The following GABBR2 variants were observed in gnomAD, a reference collection of about 807,000 sequenced individuals.
The protein encoded by GABBR2 is gamma-aminobutyric acid type B receptor subunit 2, also known as G-protein coupled receptor 51.
GABBR2 carries 23 observed loss-of-function variants against 105.6 expected under a neutral mutation model. That is an observed-to-expected ratio of 0.22 (90% CI 0.16 to 0.31). The LOEUF (loss-of-function observed/expected upper bound fraction) is 0.31. Among genes scored for constraint, GABBR2 ranks in the 10% least tolerant of loss-of-function variants. GABBR2 has a pLI of 1.00. For synonymous variants in GABBR2, 478 were observed against 499.7 expected, an observed-to-expected ratio of 0.96 and a Z score of 0.58; for missense variants, 734 against 1,245.5, an observed-to-expected ratio of 0.59 and a Z score of 6.18.
chr9:98,351,954 A>G (rs552724706), intron 13 of GABBR2, among the ~76,000 whole-genome samples: 55 of 152,282 alleles, frequency 3.6e-4, no homozygotes, highest in Non-Finnish European at 5.7e-4. Flanking sequence ...GCTTCTTCCA[A>G]TTTTAGGGAT....
intron 4 of GABBR2, among the ~76,000 whole-genome samples, chr9:98,492,957 A>G (rs1016912985): frequency 6.6e-6 from 1 of 152,188 alleles, no homozygotes; most frequent in Non-Finnish European, 1.5e-5. Context: ...GGAAGGAAGT[A>G]ACTTAAGAAG....
intron 18 of GABBR2, 90 bp from the exon 19 acceptor site, chr9:98,290,839 A>T: frequency 1.3e-6 from 1 of 789,882 alleles, no homozygotes; most frequent in Non-Finnish European, 1.9e-6. Context: ...AAAAAAGCTG[A>T]TGACAGGAGC....
At chr9:98,309,051 G>A (rs1830596127) in intron 14 of GABBR2, among the ~76,000 whole-genome samples, 1 of 152,184 alleles carries the variant, frequency 6.6e-6, no homozygotes, top group African/African-American at 2.4e-5. Flanking sequence ...CCAGCCTTGA[G>A]ATTCTGTGGC....
rs577299422 is a variant in GABBR2, at chr9:98,642,829, G to A, written c.322-64757C>T. ...TGGATCTGTCAGAAAGATTTGAAAA[G>A]CGCTTCTCAGGCCATGCTGAATTCA... On this transcript the variant is annotated intron_variant, in intron 1 of 18. Transcript: ENST00000259455. 9.2e-5 allele frequency among the ~76,000 whole-genome samples: 14 copies of A among 152,288 alleles called. No homozygotes were observed. The South Asian group carries it at 2.7e-3, about 29-fold the overall frequency.
At chr9:98,383,913 C>T (rs990333068) in intron 11 of GABBR2, among the ~76,000 whole-genome samples, 8 of 152,144 alleles carry the variant, frequency 5.3e-5, no homozygotes, top group African/African-American at 1.4e-4. Context: ...AAGGGTGCTT[C>T]GTTTAAGCAT....
chr9:98,490,527 A>C (rs1423397736), intron 4 of GABBR2, among the ~76,000 whole-genome samples: 1 of 152,224 alleles, frequency 6.6e-6, no homozygotes, highest in Admixed American at 6.5e-5. Flanking sequence ...TTTCTTTAAA[A>C]GTTCCTGCTC....
Position 98,320,202 on chromosome 9 carries a change from G to A in GABBR2, c.1894-8997C>T, listed in dbSNP as rs373997059. Among the ~76,000 whole-genome samples, 1,305 of 150,988 alleles carry A rather than the reference G, an allele frequency of 8.6e-3. 18 individuals are homozygous for A. Among genetic ancestry groups the A allele is most frequent in the African/African-American group, 0.031 (1,237 of 40,454 alleles). ...AGACACTTCTCAAAAGAAGACATTT[G>A]TGCAGCCAAAAAACACATGAAAAAA... On this transcript the variant is annotated intron_variant, in intron 13 of 18. Coordinates refer to ENST00000259455, the MANE Select transcript of GABBR2 (RefSeq NM_005458.8).
At chr9:98,366,577 A>AT (rs1337516096) in intron 12 of GABBR2, among the ~76,000 whole-genome samples, 4 of 152,060 alleles carry the variant, frequency 2.6e-5, no homozygotes, top group East Asian at 3.9e-4. Context: ...GCATTTCTTC[A>AT]TTTTTTCAAA....
chr9:98,312,247 T>C lies in GABBR2; in HGVS notation c.1894-1042A>G, dbSNP rs141824082. On this transcript the variant is annotated intron_variant, in intron 13 of 18. Transcript: ENST00000259455. ...AATGCAGGATCCAATCCAGCATCAT[T>C]ATTGCACTTACGTGTCTTTGGTTTC... Among the ~76,000 whole-genome samples, 60 of 152,370 alleles carry C rather than the reference T, an allele frequency of 3.9e-4. 1 individual carries two copies. The highest frequency in any genetic ancestry group is 1.3e-3 in the African/African-American group (53 of 41,580).
intron 5 of GABBR2, among the ~76,000 whole-genome samples, chr9:98,475,324 G>T (rs1442639483): frequency 1.3e-5 from 2 of 150,536 alleles, no homozygotes; most frequent in East Asian, 3.9e-4. Context: ...TCTAATGAAT[G>T]AAATTTAGTC....
rs371323307 is a variant in GABBR2 at position 98,689,143 on chromosome 9, G to C, written c.321+19274C>G. Reference sequence around the variant, plus strand: ...TTCTCATGTGTAAAATAGAGATAATGATCAGATTATCTATGGGAAGGCAGG... The same window carrying C: ...TTCTCATGTGTAAAATAGAGATAATCATCAGATTATCTATGGGAAGGCAGG... On this transcript the variant is annotated intron_variant, in intron 1 of 18. Transcript: ENST00000259455. Among the ~76,000 whole-genome samples, 42 of 152,214 alleles carry C rather than the reference G, an allele frequency of 2.8e-4. 2 individuals are homozygous for C. In the South Asian group the frequency reaches 8.5e-3, roughly 31 times the overall value.
At chr9:98,641,657 T>C (rs1159240322) in intron 1 of GABBR2, among the ~76,000 whole-genome samples, 1 of 152,232 alleles carries the variant, frequency 6.6e-6, no homozygotes, top group Non-Finnish European at 1.5e-5. Flanking sequence ...AATTTATTGA[T>C]TGCACAGGTT....
At chr9:98,554,547 T>G (rs1223984443) in intron 2 of GABBR2, among the ~76,000 whole-genome samples, 1 of 152,204 alleles carries the variant, frequency 6.6e-6, no homozygotes, top group Admixed American at 6.5e-5. Context: ...TTTAAACTTC[T>G]ATTATCAAAT....
At chr9:98,437,139 G>A (rs1441743259) in intron 7 of GABBR2, among the ~76,000 whole-genome samples, 1 of 152,200 alleles carries the variant, frequency 6.6e-6, no homozygotes, top group Non-Finnish European at 1.5e-5. Flanking sequence ...CAAACACTTT[G>A]TAGAGGTCAG....
At chr9:98,611,457 G>GGAATGAATGAATGAAT (rs10693570) in intron 1 of GABBR2, among the ~76,000 whole-genome samples, 54 of 149,958 alleles carry the variant, frequency 3.6e-4, no homozygotes, top group African/African-American at 1.5e-4. Context: ...GTGCACCCGA[G>GGAATGAATGAATGAAT]GAATGAATGA....
chr9:98,703,949 A>T (rs191411), intron 1 of GABBR2, among the ~76,000 whole-genome samples: 113,391 of 151,680 alleles, frequency 0.75, 43,686 homozygotes, highest in Middle Eastern at 0.87. Context: ...AGAGTGATTT[A>T]TATATATATA....
intron 2 of GABBR2, among the ~76,000 whole-genome samples, chr9:98,549,930 C>T (rs1283256365): frequency 6.6e-6 from 1 of 152,168 alleles, no homozygotes; most frequent in East Asian, 1.9e-4. Flanking sequence ...GCCACCTGGC[C>T]AGAGGAGTGG....
intron 17 of GABBR2, 24 bp from the exon 18 acceptor site, chr9:98,293,926 C>T (rs1199483399): frequency 5.3e-6 from 7 of 1,310,902 alleles, no homozygotes; most frequent in Non-Finnish European, 6.6e-6. Context: ...AACAATACCA[C>T]AACATGTTCG....
At chr9:98,590,225 T>C (rs1280255881) in intron 1 of GABBR2, among the ~76,000 whole-genome samples, 1 of 152,208 alleles carries the variant, frequency 6.6e-6, no homozygotes, top group Non-Finnish European at 1.5e-5. Flanking sequence ...CCAGCCATCT[T>C]GAGTTTTTCA....
Sources: allele counts gnomAD v4.1 joint callset (sites outside exome capture counted in the v4.1 genomes callset), GRCh38; gene constraint gnomAD v4.1.1; transcripts MANE v1.5; gene names NCBI Gene and HGNC (gene_info 2026-07-23, HGNC 2026-07-21).